ITGAM: variants seen among roughly 807,000 people sequenced by gnomAD.
The protein encoded by ITGAM is integrin subunit alpha M.
ITGAM carries 79 observed loss-of-function variants against 137.5 expected under a neutral mutation model. The ratio of observed to expected loss-of-function variants is 0.57; its 90% confidence interval spans 0.48 to 0.69. ITGAM has a LOEUF of 0.69. Ranked by LOEUF, ITGAM falls within the 30% of genes least tolerant of loss-of-function variation. ITGAM has a pLI of 0.00. For missense variants in ITGAM, 1,343 were observed against 1,483.5 expected (o/e 0.91, Z 1.56); for synonymous variants, 583 against 592.3 (o/e 0.98, Z 0.23).
At chr16:31,294,241 T>C (rs527953579) in intron 12 of ITGAM, among the ~76,000 whole-genome samples, 1 of 152,314 alleles carries the variant, frequency 6.6e-6, no homozygotes, top group South Asian at 2.1e-4. Flanking sequence ...TTCTTTCTTT[T>C]GCCTGATTGC....
rs1171451526 is a variant in ITGAM, at chr16:31,329,885, C to A, written c.2956C>A (p.Pro986Thr). The change falls in exon 25 of 30, where the codon CCC becomes ACC. Residue 986 changes from proline (P) to threonine (T), a missense_variant. Physicochemically the swap from Pro to Thr is conservative, Grantham distance 38. Coordinates refer to ENST00000544665, the MANE Select transcript of ITGAM (RefSeq NM_000632.4). ...GAACCAGACTGTCATATGGGACCGC[C>A]CCCAGGTCACCTTCTCCGAGGTGAG... ...RLNQTVIWDR[P>T]QVTFSENLSS... 6.4e-7 allele frequency: 1 copy of A among 1,561,862 alleles called. No homozygotes were observed. Among genetic ancestry groups the A allele is most frequent in the Admixed American group, 1.9e-5 (1 of 51,702 alleles).
chr16:31,322,687 A>C (rs1290519385), intron 16 of ITGAM, among the ~76,000 whole-genome samples: 4 of 152,200 alleles, frequency 2.6e-5, no homozygotes, highest in Non-Finnish European at 5.9e-5. Flanking sequence ...CAGAAATTAG[A>C]GTGATTGGAT....
chr16:31,300,299 G>A (rs1233823524), intron 14 of ITGAM, among the ~76,000 whole-genome samples: 7 of 152,162 alleles, frequency 4.6e-5, no homozygotes, highest in Admixed American at 4.6e-4. Flanking sequence ...TAAATAACCA[G>A]AAGTGGGATT....
At chr16:31,283,943 A>G (rs2079998239) in intron 12 of ITGAM, among the ~76,000 whole-genome samples, 1 of 152,200 alleles carries the variant, frequency 6.6e-6, no homozygotes. Context: ...TTTTCCTTCT[A>G]ACAGTCAGGA....
chr16:31,298,887 A>T (rs1239908737), intron 14 of ITGAM, among the ~76,000 whole-genome samples: 1 of 152,062 alleles, frequency 6.6e-6, no homozygotes, highest in East Asian at 1.9e-4. Flanking sequence ...TCTGGACCTG[A>T]CAACTGTTTT....
intron 22 of ITGAM, among the ~76,000 whole-genome samples, chr16:31,327,618 A>ATAC (rs1491573378): frequency 6.6e-6 from 1 of 151,166 alleles, no homozygotes; most frequent in South Asian, 2.1e-4. Flanking sequence ...AATAATAATA[A>ATAC]TAAAAAATAA....
At chr16:31,319,986 G>A (rs2080432108) in intron 14 of ITGAM, among the ~76,000 whole-genome samples, 2 of 152,020 alleles carry the variant, frequency 1.3e-5, no homozygotes, top group South Asian at 4.2e-4. Context: ...CTAATTTTTT[G>A]TATTTTTAAT....
At chr16:31,302,567 T>G (rs2080218563) in intron 14 of ITGAM, among the ~76,000 whole-genome samples, 1 of 151,398 alleles carries the variant, frequency 6.6e-6, no homozygotes, top group Non-Finnish European at 1.5e-5. Context: ...CGGAGTCTCG[T>G]GCTGTTGCCC....
chr16:31,328,635 G>T (rs2080536688), intron 23 of ITGAM, among the ~76,000 whole-genome samples: 1 of 150,356 alleles, frequency 6.7e-6, no homozygotes, highest in Non-Finnish European at 1.5e-5. Context: ...GCATGGGTGT[G>T]TGTGCATATG....
intron 12 of ITGAM, among the ~76,000 whole-genome samples, chr16:31,285,049 C>T (rs1339874525): frequency 6.6e-6 from 1 of 152,088 alleles, no homozygotes; most frequent in Admixed American, 6.6e-5. Context: ...GTGAGCAATT[C>T]CTGTCCTTTT....
intron 12 of ITGAM, among the ~76,000 whole-genome samples, chr16:31,295,804 A>G (rs2144373744): frequency 6.6e-6 from 1 of 151,940 alleles, no homozygotes; most frequent in East Asian, 1.9e-4. Context: ...TCCTCATTTT[A>G]GTGGTAAAGC....
intron 28 of ITGAM, 124 bp from the exon 29 acceptor site, chr16:31,331,041 G>C (rs2144511417): frequency 1.6e-6 from 1 of 620,610 alleles, no homozygotes; most frequent in East Asian, 2.8e-5. Context: ...GGAGGACTGA[G>C]GGCTGGGGTT....
At chr16:31,320,110 C>T (rs1265668716) in intron 14 of ITGAM, among the ~76,000 whole-genome samples, 2 of 152,242 alleles carry the variant, frequency 1.3e-5, no homozygotes, top group South Asian at 2.1e-4. Context: ...CGTGAGCCAC[C>T]GCGTCTGACC....
In ITGAM at chr16:31,315,747, C is replaced by A. The variant is rs1225912103; in HGVS notation, c.1708-5494C>A. Among the ~76,000 whole-genome samples the A allele has an allele frequency of 2.6e-5, 4 of 152,262 alleles. No individual in the cohort carries two copies. The East Asian group carries it at 7.8e-4, about 30-fold the overall frequency. The stretch of plus-strand genomic sequence containing the variant: ...GTGCTGGGATTACAGGCGTGAGCCA[C>A]TGCACCCGGCCCAGCACTTTTGATT... On this transcript the variant is annotated intron_variant, in intron 14 of 29. Transcript: ENST00000544665.
chr16:31,263,379 G>T (rs2079726860), intron 2 of ITGAM, among the ~76,000 whole-genome samples: 1 of 152,184 alleles, frequency 6.6e-6, no homozygotes, highest in South Asian at 2.1e-4. Context: ...CTGGGATTGT[G>T]GTATCCACGG....
At chr16:31,295,638 TTA>T (rs1324141426) in intron 12 of ITGAM, among the ~76,000 whole-genome samples, 4 of 150,312 alleles carry the variant, frequency 2.7e-5, no homozygotes, top group African/African-American at 7.3e-5. Flanking sequence ...ATATATGTTT[TTA>T]TATATATATC....
At chr16:31,304,590 A>G (rs2144411287) in intron 14 of ITGAM, among the ~76,000 whole-genome samples, 1 of 152,284 alleles carries the variant, frequency 6.6e-6, no homozygotes, top group Non-Finnish European at 1.5e-5. Context: ...TTATGGTTTC[A>G]GGTCTTAGAT....
In ITGAM at chr16:31,265,486, A is replaced by T; in HGVS notation, c.226A>T (p.Ile76Phe). The T allele has an allele frequency of 1.3e-6, 2 of 1,598,176 alleles. No homozygotes were observed. The highest frequency in any genetic ancestry group is 1.7e-6 in the Non-Finnish European group (2 of 1,172,454). ...CDYSTGSCEP[I>F]RLQVPVEAVN... is the part of the protein sequence containing the mutation. ...CTACAGCACAGGCTCATGCGAGCCC[A>T]TCCGCCTGCAGGGTGAGTCACTGCC... is the stretch of plus-strand genomic sequence containing the variant. Residue 76 changes from isoleucine to phenylalanine, a missense_variant, in exon 3 of 30, where the codon ATC (isoleucine) becomes TTC (phenylalanine). Transcript: ENST00000544665.
chr16:31,276,328 T>G (rs12917874), intron 9 of ITGAM, among the ~76,000 whole-genome samples: 1 of 151,898 alleles, frequency 6.6e-6, no homozygotes, highest in Admixed American at 6.6e-5. Context: ...TGCTTTCTTT[T>G]CTTTTCTTTC....
Sources: gnomAD v4.1 joint callset for allele counts (sites outside exome capture counted in the v4.1 genomes callset) on GRCh38, gnomAD v4.1.1 for gene constraint, MANE v1.5 for transcripts, NCBI Gene and HGNC (gene_info 2026-07-23, HGNC 2026-07-21) for gene names.